Variants in MYD88 observed in about 807,000 individuals in gnomAD.
MYD88 encodes the protein MYD88 innate immune signal transduction adaptor, also known as myeloid differentiation primary response protein MyD88.
In MYD88, 15 loss-of-function variants were observed where a neutral mutation model predicts 31.1. The observed-to-expected ratio is 0.48, with a 90% CI of 0.32 to 0.74. The LOEUF (loss-of-function observed/expected upper bound fraction) is 0.74. Among genes scored for constraint, MYD88 ranks in the 30% least tolerant of loss-of-function variants. MYD88 has a pLI of 0.03. For synonymous variants in MYD88, 157 were observed against 158.8 expected (o/e 0.99, Z 0.08); for missense variants, 308 against 387.4 (o/e 0.79, Z 1.72).
rs1701077910 is a variant in MYD88, at chr3:38,141,342, T to C, written c.*56T>C. ...ATCTGTCTGCCTGTCCATGTACTTC[T>C]GCCCTGCCTCCTCCTTTCGTTGTAG... On this transcript the variant is annotated 3_prime_UTR_variant, in exon 5 of 5. Transcript: ENST00000650905. 8.7e-6 allele frequency: 14 copies of C among 1,606,190 alleles called. No individual in the cohort carries two copies. The South Asian group carries it at 1.3e-4, about 15-fold the overall frequency.
In MYD88 at chr3:38,140,986, G is replaced by A. The variant is rs974941817; in HGVS notation, c.736+138G>A. The A allele has an allele frequency of 2.2e-6, 3 of 1,338,660 alleles. No homozygotes were observed. In the Admixed American group the frequency reaches 5.1e-5, roughly 23 times the overall value. The allele number at this position is 1,338,660 out of a possible 1,614,324, so 82.9% of individuals were successfully genotyped here. On this transcript the variant is annotated intron_variant, in intron 4 of 4. Coordinates refer to ENST00000650905, the MANE Select transcript of MYD88 (RefSeq NM_002468.5). ...GATCTCTGCACACCTGAGCATGTGT[G>A]CATGTGTGTGCCTTTTTGTGTGAGT...
Position 38,140,388 on chromosome 3 carries a change from GGC to G in MYD88, c.465_466del (p.His156TyrfsTer3). ...CACCACCCTTGTGCTCTGCACCCAGGGCATATGCCTGAGCGTTTCGATGCCTT... is the reference window on the plus strand; with the variant it reads ...CACCACCCTTGTGCTCTGCACCCAGGATATGCCTGAGCGTTTCGATGCCTT... On this transcript the variant is annotated frameshift_variant and splice_region_variant, in exon 3 of 5. Coordinates refer to ENST00000650905, the MANE Select transcript of MYD88 (RefSeq NM_002468.5). LOFTEE classifies it high-confidence loss of function. The G allele has an allele frequency of 1.9e-6, 3 of 1,614,130 alleles. No homozygotes were observed. The highest frequency in any genetic ancestry group is 2.5e-6 in the Non-Finnish European group (3 of 1,180,030).
rs2125780573 is a variant in MYD88, at chr3:38,141,223, C to T, written c.828C>T (p.Tyr276=). Reference sequence around the variant, plus strand: ...TGAGGTTCATCACTGTCTGCGACTACACCAACCCCTGCACCAAATCTTGGT... The same window carrying T: ...TGAGGTTCATCACTGTCTGCGACTATACCAACCCCTGCACCAAATCTTGGT... ...SILRFITVCD[Y]TNPCTKSWFW... Residue 276 remains tyrosine, a synonymous_variant, in exon 5 of 5, where the codon TAC becomes TAT. Coordinates refer to ENST00000650905, the MANE Select transcript of MYD88 (RefSeq NM_002468.5). The T allele has an allele frequency of 6.2e-7, 1 of 1,614,250 alleles. No homozygotes were observed. Among genetic ancestry groups the T allele is most frequent in the Middle Eastern group, 1.6e-4 (1 of 6,062 alleles).
In MYD88 at chr3:38,138,670, CGACCGCGCTGAGGCTCCAG is replaced by C. The variant is rs746651350; in HGVS notation, c.-24_-6del. 5.5e-4 allele frequency: 859 copies of C among 1,561,362 alleles called. No homozygotes were observed. Among genetic ancestry groups the C allele is most frequent in the Non-Finnish European group, 7.0e-4 (808 of 1,151,902 alleles). ...GGAAGCGCTGGCAGACAATGCGACC[CGACCGCGCTGAGGCTCCAG>C]GACCGCCCGCCATGGCTGCAGGAGG... is the stretch of plus-strand genomic sequence containing the variant. On this transcript the variant is annotated 5_prime_UTR_variant, in exon 1 of 5. Coordinates refer to ENST00000650905, the MANE Select transcript of MYD88 (RefSeq NM_002468.5). This position sits in a 1 kb window ranked among gnomAD's most constrained non-coding sequence, Gnocchi z 6.4.
chr3:38,140,298 C>T, intron 2 of MYD88, 90 bp from the exon 3 acceptor site: 1 of 1,442,162 alleles, frequency 6.9e-7, no homozygotes, highest in South Asian at 1.2e-5. Flanking sequence ...GGTGCAGGGC[C>T]CAGGGTTGCC....
Position 38,140,766 on chromosome 3 carries a change from G to A in MYD88, c.654G>A (p.Arg218=), listed in dbSNP as rs757927088. 1 of 1,614,188 alleles carries A rather than the reference G, an allele frequency of 6.2e-7. No individual in the cohort carries two copies. Among genetic ancestry groups the A allele is most frequent in the Non-Finnish European group, 8.5e-7 (1 of 1,180,036 alleles). ...GCCCACTCTCCCCTAGGTGCCGCCG[G>A]ATGGTGGTGGTTGTCTCTGATGATT... The part of the protein sequence containing the change: ...ASELIEKRCR[R]MVVVVSDDYL... The change falls in exon 4 of 5, where the codon CGG becomes CGA. Residue 218 remains arginine (R), a synonymous_variant. Transcript: ENST00000650905.
In MYD88 at chr3:38,139,532, T is replaced by C. The variant is rs1466086112; in HGVS notation, c.329-332T>C. Reference sequence around the variant, plus strand: ...GTGGGTCTCCTGAGCCTTTCTGGCATGCCCAGCCCCTTGCTCACATCTGCC... The same window carrying C: ...GTGGGTCTCCTGAGCCTTTCTGGCACGCCCAGCCCCTTGCTCACATCTGCC... On this transcript the variant is annotated intron_variant, in intron 1 of 4. Transcript: ENST00000650905. This position sits in a 1 kb window ranked among gnomAD's most constrained non-coding sequence, Gnocchi z 4.7. 9.1e-6 allele frequency: 4 copies of C among 441,458 alleles called. No individual in the cohort carries two copies. Among genetic ancestry groups the C allele is most frequent in the Non-Finnish European group, 1.7e-5 (4 of 237,218 alleles). The allele number at this position is 441,458 out of a possible 1,614,324, so 27.3% of individuals were successfully genotyped here.
In MYD88 at chr3:38,139,150, G is replaced by A. The variant is rs917669844; in HGVS notation, c.328+122G>A. On this transcript the variant is annotated intron_variant, in intron 1 of 4. Transcript: ENST00000650905. This position sits in a 1 kb window ranked among gnomAD's most constrained non-coding sequence, Gnocchi z 4.7. ...CTGCCTCGGGGGCCCGAAGAAGCCTGCAGAGGGAGAACCATGCGGGTCCCG... is the reference window on the plus strand; with the variant it reads ...CTGCCTCGGGGGCCCGAAGAAGCCTACAGAGGGAGAACCATGCGGGTCCCG... The A allele has an allele frequency of 1.6e-5, 21 of 1,325,462 alleles. No individual in the cohort carries two copies. Among genetic ancestry groups the A allele is most frequent in the Non-Finnish European group, 2.0e-5 (20 of 994,064 alleles). The allele number at this position is 1,325,462 out of a possible 1,614,324, so 82.1% of individuals were successfully genotyped here.
chr3:38,139,162 C>A lies in MYD88; in HGVS notation c.328+134C>A. Reference sequence around the variant, plus strand: ...CCCGAAGAAGCCTGCAGAGGGAGAACCATGCGGGTCCCGTTCCTTCTTAAT... The same window carrying A: ...CCCGAAGAAGCCTGCAGAGGGAGAAACATGCGGGTCCCGTTCCTTCTTAAT... On this transcript the variant is annotated intron_variant, in intron 1 of 4. Coordinates refer to ENST00000650905, the MANE Select transcript of MYD88 (RefSeq NM_002468.5). This position sits in a 1 kb window ranked among gnomAD's most constrained non-coding sequence, Gnocchi z 4.7. The A allele has an allele frequency of 5.8e-6, 7 of 1,206,494 alleles. No individual in the cohort carries two copies. The highest frequency in any genetic ancestry group is 5.6e-6 in the Non-Finnish European group (5 of 889,736). 74.7% of individuals were successfully genotyped at this position (1,206,494 alleles called of 1,614,324 possible).
chr3:38,139,054 G>A lies in MYD88; in HGVS notation c.328+26G>A, dbSNP rs200931535. On this transcript the variant is annotated intron_variant, in intron 1 of 4. Coordinates refer to ENST00000650905, the MANE Select transcript of MYD88 (RefSeq NM_002468.5). This position sits in a 1 kb window ranked among gnomAD's most constrained non-coding sequence, Gnocchi z 4.7. ...GTGAGGACGTCCCCTTCCTGGCCTC[G>A]TACCTGGGGGGTGAGGAGGCTGACT... 2.5e-6 allele frequency: 4 copies of A among 1,593,384 alleles called. No individual in the cohort carries two copies. The highest frequency in any genetic ancestry group is 1.1e-5 in the South Asian group (1 of 90,750).
chr3:38,140,585 CG>C lies in MYD88; in HGVS notation c.644+21del. 2 of 1,614,088 alleles carry C rather than the reference CG, an allele frequency of 1.2e-6. No homozygotes were observed. The highest frequency in any genetic ancestry group is 1.7e-6 in the Non-Finnish European group (2 of 1,179,950). On this transcript the variant is annotated intron_variant, in intron 3 of 4. Coordinates refer to ENST00000650905, the MANE Select transcript of MYD88 (RefSeq NM_002468.5). ...CGAAAAGAGGTTGGCTAGAAGGCCA[CG>C]GGGTGGGTGCGTGGATGCATGAAGC...
chr3:38,141,448 T>C lies in MYD88; in HGVS notation c.*162T>C, dbSNP rs984012408. ...ACGTCTGCAGCAGCTGGACATCACA[T>C]TTCATGTCCTGCATGGAACCAGTGG... On this transcript the variant is annotated 3_prime_UTR_variant, in exon 5 of 5. Coordinates refer to ENST00000650905, the MANE Select transcript of MYD88 (RefSeq NM_002468.5). 2 of 930,028 alleles carry C rather than the reference T, an allele frequency of 2.2e-6. No homozygotes were observed. Among genetic ancestry groups the C allele is most frequent in the Admixed American group, 1.9e-5 (1 of 52,178 alleles). The allele number at this position is 930,028 out of a possible 1,614,324, so 57.6% of individuals were successfully genotyped here.
rs2125777824 is a variant in MYD88, at chr3:38,139,999, G to A, written c.463+1G>A. ...ATCACCACACTTGATGACCCCCTGG[G>A]TAAGGGTCCAATACTGTTCCCATGG... On this transcript the variant is annotated splice_donor_variant, in intron 2 of 4. Transcript: ENST00000650905. LOFTEE classifies it high-confidence loss of function. The surrounding 1 kb of genome is among the most constrained non-coding windows in gnomAD (Gnocchi z 4.7). The A allele has an allele frequency of 6.2e-7, 1 of 1,613,384 alleles. No individual in the cohort carries two copies. Among genetic ancestry groups the A allele is most frequent in the Non-Finnish European group, 8.5e-7 (1 of 1,179,772 alleles).
rs777249439 is a variant in MYD88, at chr3:38,138,732, C to T, written c.32C>T (p.Ala11Val). 3.1e-6 allele frequency: 5 copies of T among 1,606,568 alleles called. No individual in the cohort carries two copies. In the South Asian group the frequency reaches 3.3e-5, roughly 11 times the overall value. The change falls in exon 1 of 5, where the codon GCG (alanine) becomes GTG (valine). Residue 11 changes from alanine to valine, a missense_variant. By Grantham distance (64) the Ala-to-Val change is moderately conservative. Transcript: ENST00000650905. The surrounding 1 kb of genome is among the most constrained non-coding windows in gnomAD (Gnocchi z 6.4). ...GCAGGAGGTCCCGGCGCGGGGTCTGCGGCCCCGGTCTCCTCCACATCCTCC... is the reference window on the plus strand; with the variant it reads ...GCAGGAGGTCCCGGCGCGGGGTCTGTGGCCCCGGTCTCCTCCACATCCTCC... MAAGGPGAGS[A>V]APVSSTSSLP...
At chr3:38,140,085 G>T in intron 2 of MYD88, 87 bp downstream of exon 2, 1 of 1,525,398 alleles carries the variant, frequency 6.6e-7, no homozygotes, top group South Asian at 1.2e-5. Context: ...GATGGGCTGT[G>T]AGACCTTGGG....
Position 38,139,198 on chromosome 3 carries a change from G to T in MYD88, c.328+170G>T, listed in dbSNP as rs1225955804. 1.1e-6 allele frequency: 1 copy of T among 950,584 alleles called. No individual in the cohort carries two copies. Among genetic ancestry groups the T allele is most frequent in the South Asian group, 1.8e-5 (1 of 56,346 alleles). 58.9% of individuals were successfully genotyped at this position (950,584 alleles called of 1,614,324 possible). Reference sequence around the variant, plus strand: ...CCGTTCCTTCTTAATAACCGGTCGCGGTTATTAAGAAGGACTGGAGAAAGG... The same window carrying T: ...CCGTTCCTTCTTAATAACCGGTCGCTGTTATTAAGAAGGACTGGAGAAAGG... On this transcript the variant is annotated intron_variant, in intron 1 of 4. Transcript: ENST00000650905. The surrounding 1 kb of genome is among the most constrained non-coding windows in gnomAD (Gnocchi z 4.7).
In MYD88 at chr3:38,141,422, C is replaced by T. The variant is rs1701079689; in HGVS notation, c.*136C>T. The T allele has an allele frequency of 8.5e-7, 1 of 1,181,608 alleles. No individual in the cohort carries two copies. Among genetic ancestry groups the T allele is most frequent in the South Asian group, 1.2e-5 (1 of 81,220 alleles). 73.2% of individuals were successfully genotyped at this position (1,181,608 alleles called of 1,614,324 possible). On this transcript the variant is annotated 3_prime_UTR_variant, in exon 5 of 5. Transcript: ENST00000650905. ...TTCCTGGAGATGCCAACTTCACAGA[C>T]ACGTCTGCAGCAGCTGGACATCACA... is the stretch of plus-strand genomic sequence containing the variant.
In MYD88 at chr3:38,142,043, G is replaced by A. The variant is rs1455838531; in HGVS notation, c.*757G>A. 2 of 235,610 alleles carry A rather than the reference G, an allele frequency of 8.5e-6. No homozygotes were observed. The highest frequency in any genetic ancestry group is 1.2e-4 in the East Asian group (2 of 16,634). The allele number at this position is 235,610 out of a possible 1,614,324, so 14.6% of individuals were successfully genotyped here. ...ATTTCCACCTGTCAGGATGCCTGTGGTCATGCTCTCAGCTCCACCTGGCAT... is the reference window on the plus strand; with the variant it reads ...ATTTCCACCTGTCAGGATGCCTGTGATCATGCTCTCAGCTCCACCTGGCAT... On this transcript the variant is annotated 3_prime_UTR_variant, in exon 5 of 5. Coordinates refer to ENST00000650905, the MANE Select transcript of MYD88 (RefSeq NM_002468.5).
rs929732833 is a variant in MYD88, at chr3:38,138,949, C to A, written c.249C>A (p.Gly83=). 1 of 1,610,668 alleles carries A rather than the reference C, an allele frequency of 6.2e-7. No homozygotes were observed. Among genetic ancestry groups the A allele is most frequent in the Non-Finnish European group, 8.5e-7 (1 of 1,180,004 alleles). Residue 83 remains glycine, a synonymous_variant, in exon 1 of 5, where the codon GGC becomes GGA. Coordinates refer to ENST00000650905, the MANE Select transcript of MYD88 (RefSeq NM_002468.5). The surrounding 1 kb of genome is among the most constrained non-coding windows in gnomAD (Gnocchi z 6.4). ...RLLDAWQGRP[G]ASVGRLLELL... ...TGGACGCCTGGCAGGGACGCCCTGG[C>A]GCCTCTGTAGGCCGACTGCTCGAGC... is the stretch of plus-strand genomic sequence containing the variant.
Sources: allele counts gnomAD v4.1 joint callset, GRCh38; gene constraint gnomAD v4.1.1; non-coding constraint Gnocchi (gnomAD v3.1); transcripts MANE v1.5; gene names NCBI Gene and HGNC (gene_info 2026-07-23, HGNC 2026-07-21).